Variants in RANBP10 observed in about 807,000 individuals in gnomAD.
RANBP10 encodes the protein ran-binding protein 10.
A neutral mutation model predicts 72.8 loss-of-function variants in RANBP10; 24 were observed. That is an observed-to-expected ratio of 0.33 (90% confidence interval 0.24 to 0.46). RANBP10 has a LOEUF of 0.46. RANBP10 is among the 20% of genes least tolerant of loss of function. The probability of loss-of-function intolerance (pLI) is 1.00; values close to 1 mark genes in which losing one functional copy is unlikely to be tolerated. For missense variants in RANBP10, 679 were observed against 817.5 expected (o/e 0.83, Z 2.07); for synonymous variants, 310 against 322.3 (o/e 0.96, Z 0.41).
At chr16:67,793,681 C>T (rs1290332096) in intron 2 of RANBP10, among the ~76,000 whole-genome samples, 2 of 152,186 alleles carry the variant, frequency 1.3e-5, no homozygotes, top group Non-Finnish European at 1.5e-5. Context: ...TAGTCCACCA[C>T]TACATGAAAA....
intron 2 of RANBP10, among the ~76,000 whole-genome samples, chr16:67,775,448 A>G (rs1307224851): frequency 6.6e-6 from 1 of 152,212 alleles, no homozygotes; most frequent in African/African-American, 2.4e-5. Flanking sequence ...CAATCAGACA[A>G]GAAAAAGGAA....
chr16:67,806,153 A>G (rs528976928), intron 1 of RANBP10, 149 bp downstream of exon 1: 1 of 760,672 alleles, frequency 1.3e-6, no homozygotes, highest in South Asian at 1.9e-5. Context: ...CGGCCTGTTC[A>G]GCCTCACCAC....
At chr16:67,776,093 C>T (rs1218248836) in intron 2 of RANBP10, among the ~76,000 whole-genome samples, 5 of 149,350 alleles carry the variant, frequency 3.3e-5, no homozygotes, top group Non-Finnish European at 5.9e-5. Context: ...TGCAGTGAGC[C>T]GAGATCACAC....
chr16:67,736,508 T>G (rs761356639), intron 5 of RANBP10, among the ~76,000 whole-genome samples: 24 of 152,212 alleles, frequency 1.6e-4, no homozygotes, highest in Admixed American at 3.3e-4. Flanking sequence ...TTTTCCTGTA[T>G]GCTGGCTTCA....
rs61683439 is a variant in RANBP10 at position 67,785,731 on chromosome 16, C to CAAAAAAAAAAAAAAAAAAAAAAA, written c.348-13646_348-13645insTTTTTTTTTTTTTTTTTTTTTTT. 1.8e-3 allele frequency among the ~76,000 whole-genome samples: 127 copies of CAAAAAAAAAAAAAAAAAAAAAAA among 71,706 alleles called. 11 individuals are homozygous for CAAAAAAAAAAAAAAAAAAAAAAA. The highest frequency in any genetic ancestry group is 3.2e-3 in the African/African-American group (46 of 14,580). 47.0% of individuals were successfully genotyped at this position (71,706 alleles called of 152,430 possible). On this transcript the variant is annotated intron_variant, in intron 2 of 13. Coordinates refer to ENST00000317506, the MANE Select transcript of RANBP10 (RefSeq NM_020850.3). ...AAACAGAGTGAGTGAGACTCCATCTCAAAAAAAAAAAAAAAGCCAGGCACA... is the reference window on the plus strand; with the variant it reads ...AAACAGAGTGAGTGAGACTCCATCTCAAAAAAAAAAAAAAAAAAAAAAAAAAAAAAAAAAAAAAGCCAGGCACA...
chr16:67,798,906 G>GT (rs1567717336), intron 2 of RANBP10, among the ~76,000 whole-genome samples: 5 of 152,036 alleles, frequency 3.3e-5, no homozygotes, highest in African/African-American at 9.7e-5. Flanking sequence ...CACGCTCCCT[G>GT]GCCACAGCAT....
At chr16:67,737,836 GGA>G (rs1278501022) in intron 5 of RANBP10, among the ~76,000 whole-genome samples, 175 bp downstream of exon 5, 1 of 152,118 alleles carries the variant, frequency 6.6e-6, no homozygotes, top group Non-Finnish European at 1.5e-5. Context: ...CCTTACTGCT[GGA>G]GAGAGAGGAA....
At chr16:67,766,116 A>G (rs2054497809) in intron 3 of RANBP10, among the ~76,000 whole-genome samples, 1 of 152,098 alleles carries the variant, frequency 6.6e-6, no homozygotes, top group Non-Finnish European at 1.5e-5. Context: ...CATCCAATTG[A>G]CCTGCATCTC....
At chr16:67,741,049 A>C (rs1201027194) in intron 4 of RANBP10, among the ~76,000 whole-genome samples, 1 of 152,180 alleles carries the variant, frequency 6.6e-6, no homozygotes, top group Non-Finnish European at 1.5e-5. Flanking sequence ...TCCGTAAATT[A>C]TATATAGTGT....
At chr16:67,784,040 G>A (rs1272770960) in intron 2 of RANBP10, among the ~76,000 whole-genome samples, 11 of 121,548 alleles carry the variant, frequency 9.0e-5, no homozygotes, top group Non-Finnish European at 1.3e-4. Flanking sequence ...GAGAGACTCC[G>A]TCTCAAAAAA....
In RANBP10 at chr16:67,755,683, C is replaced by CAA. The variant is rs58929828; in HGVS notation, c.401-11230_401-11229dup. ...CAGGCGACAGAATGAGACTCTGCCT[C>CAA]AAAAAAAAAAAAAAAAAAAAAAAAG... is the stretch of plus-strand genomic sequence containing the variant. On this transcript the variant is annotated intron_variant, in intron 3 of 13. Transcript: ENST00000317506. 5.6e-3 allele frequency among the ~76,000 whole-genome samples: 298 copies of CAA among 53,568 alleles called. 1 individual carries two copies. Among genetic ancestry groups the CAA allele is most frequent in the Middle Eastern group, 0.01 (1 of 98 alleles). 35.1% of individuals were successfully genotyped at this position (53,568 alleles called of 152,430 possible).
At position 67,730,135 on chromosome 16, in the gene RANBP10, G is replaced by T; in HGVS notation, c.890-89C>A. The T allele has an allele frequency of 1.6e-6, 2 of 1,255,302 alleles. No individual in the cohort carries two copies. The highest frequency in any genetic ancestry group is 2.3e-6 in the Non-Finnish European group (2 of 881,634). The allele number at this position is 1,255,302 out of a possible 1,614,324, so 77.8% of individuals were successfully genotyped here. On this transcript the variant is annotated intron_variant, in intron 7 of 13. Coordinates refer to ENST00000317506, the MANE Select transcript of RANBP10 (RefSeq NM_020850.3). This position sits in a 1 kb window ranked among gnomAD's most constrained non-coding sequence, Gnocchi z 4.3. ...GGGATGCTGCCAGCCTCAGGGTAGG[G>T]TCCGGCTCAGAGTGCCTCGCCAGCT...
At chr16:67,737,909 G>A in intron 5 of RANBP10, 104 bp downstream of exon 5, 1 of 1,420,094 alleles carries the variant, frequency 7.0e-7, no homozygotes. Flanking sequence ...TCCCTGGTTG[G>A]GGAAAGAACC....
intron 6 of RANBP10, among the ~76,000 whole-genome samples, chr16:67,733,839 T>G (rs1172076875): frequency 6.6e-6 from 1 of 152,110 alleles, no homozygotes; most frequent in African/African-American, 2.4e-5. Flanking sequence ...AACACATCCA[T>G]GTGCTGAGCC....
chr16:67,789,486 T>C (rs188918791), intron 2 of RANBP10, among the ~76,000 whole-genome samples: 66 of 151,560 alleles, frequency 4.4e-4, no homozygotes, highest in Middle Eastern at 3.4e-3. Flanking sequence ...TCTTTTTTTT[T>C]TGAGATGGAG....
intron 3 of RANBP10, among the ~76,000 whole-genome samples, chr16:67,762,778 A>G (rs2054423892): frequency 6.6e-6 from 1 of 152,246 alleles, no homozygotes; most frequent in South Asian, 2.1e-4. Context: ...CACTTAGGCA[A>G]AGCACAGCAA....
At chr16:67,747,333 T>C (rs1239741278) in intron 3 of RANBP10, among the ~76,000 whole-genome samples, 1 of 152,246 alleles carries the variant, frequency 6.6e-6, no homozygotes, top group African/African-American at 2.4e-5. Context: ...GTTGGAAAAC[T>C]ATTCAACTGT....
intron 2 of RANBP10, among the ~76,000 whole-genome samples, chr16:67,804,315 GA>G (rs1436604377): frequency 1.3e-5 from 2 of 151,808 alleles, no homozygotes; most frequent in African/African-American, 4.8e-5. Context: ...GAGACTGGGA[GA>G]AAGAAAAAAA....
Position 67,735,056 on chromosome 16 carries a change from T to C in RANBP10, c.592-14A>G. 1.3e-6 allele frequency: 2 copies of C among 1,576,402 alleles called. No individual in the cohort carries two copies. Among genetic ancestry groups the C allele is most frequent in the Non-Finnish European group, 8.7e-7 (1 of 1,155,912 alleles). ...GTAGAGGTTGGCCTGAGGAGGAGAA[T>C]GAAATGTCAGTCAGGCCCTGAGGGC... On this transcript the variant is annotated splice_polypyrimidine_tract_variant and intron_variant, in intron 5 of 13. Transcript: ENST00000317506.
Sources: allele counts gnomAD v4.1 joint callset (sites outside exome capture counted in the v4.1 genomes callset), GRCh38; gene constraint gnomAD v4.1.1; non-coding constraint Gnocchi (gnomAD v3.1); transcripts MANE v1.5; gene names NCBI Gene and HGNC (gene_info 2026-07-23, HGNC 2026-07-21).